Variants in PRKAR2B observed in about 807,000 individuals in gnomAD.
PRKAR2B encodes the protein protein kinase cAMP-dependent type II regulatory subunit beta.
PRKAR2B carries 14 observed loss-of-function variants against 49.9 expected under a neutral mutation model. The observed-to-expected ratio is 0.28, with a 90% confidence interval of 0.19 to 0.44. The LOEUF (loss-of-function observed/expected upper bound fraction) is 0.44, where lower values mean the gene tolerates loss of function less well. Among genes scored for constraint, PRKAR2B ranks in the 20% least tolerant of loss-of-function variants. The pLI, the probability that PRKAR2B is intolerant of heterozygous loss-of-function variation, is 1.00. For missense variants in PRKAR2B, 393 were observed against 537.9 expected, an observed-to-expected ratio of 0.73 and a Z score of 2.67; for synonymous variants, 196 against 197.7, an observed-to-expected ratio of 0.99 and a Z score of 0.07.
intron 3 of PRKAR2B, among the ~76,000 whole-genome samples, chr7:107,123,214 T>C (rs924995822): frequency 2.6e-5 from 4 of 152,236 alleles, no homozygotes; most frequent in Non-Finnish European, 4.4e-5. Flanking sequence ...AATGAACATT[T>C]GCAATACAGT....
chr7:107,073,923 A>T (rs943206040), intron 2 of PRKAR2B, among the ~76,000 whole-genome samples: 1 of 151,898 alleles, frequency 6.6e-6, no homozygotes, highest in South Asian at 2.1e-4. Flanking sequence ...TTAGTCAGGC[A>T]TGGTGGCGCG....
chr7:107,060,477 GC>G (rs1159545700), intron 1 of PRKAR2B, among the ~76,000 whole-genome samples: 1 of 152,140 alleles, frequency 6.6e-6, no homozygotes, highest in Non-Finnish European at 1.5e-5. Flanking sequence ...TCCTCTTATT[GC>G]TAGTGACATT....
chr7:107,084,618 A>G (rs1794580030), intron 2 of PRKAR2B, among the ~76,000 whole-genome samples: 1 of 149,798 alleles, frequency 6.7e-6, no homozygotes, highest in African/African-American at 2.5e-5. Flanking sequence ...ACTACCATCT[A>G]TATACTTTTT....
At chr7:107,139,074 A>G (rs910122621) in intron 4 of PRKAR2B, among the ~76,000 whole-genome samples, 16 of 150,580 alleles carry the variant, frequency 1.1e-4, no homozygotes, top group African/African-American at 2.9e-4. Flanking sequence ...CTAACATCCT[A>G]TTTTTTTTTG....
intron 3 of PRKAR2B, among the ~76,000 whole-genome samples, chr7:107,126,503 G>A (rs1795497769): frequency 6.6e-6 from 1 of 151,102 alleles, no homozygotes; most frequent in Non-Finnish European, 1.5e-5. Context: ...CTGGATTTCT[G>A]TGTGAAGGCT....
chr7:107,148,344 GT>G (rs1193837760), intron 6 of PRKAR2B, among the ~76,000 whole-genome samples: 1 of 152,176 alleles, frequency 6.6e-6, no homozygotes, highest in Non-Finnish European at 1.5e-5. Context: ...AAGATCAACT[GT>G]TTTATAGGTT....
At chr7:107,046,003 G>T (rs2395833) in intron 1 of PRKAR2B, among the ~76,000 whole-genome samples, 49,035 of 152,000 alleles carry the variant, frequency 0.32, 8,210 homozygotes, top group East Asian at 0.46. Context: ...GTTGTCTTTA[G>T]AATGAAAAGC....
chr7:107,055,368 G>T (rs1189511358), intron 1 of PRKAR2B, among the ~76,000 whole-genome samples: 1 of 152,182 alleles, frequency 6.6e-6, no homozygotes, highest in African/African-American at 2.4e-5. Context: ...TCTAGTTCTA[G>T]ATCCCTGAGG....
chr7:107,085,864 A>G (rs781434068), intron 2 of PRKAR2B, among the ~76,000 whole-genome samples: 41 of 152,174 alleles, frequency 2.7e-4, no homozygotes, highest in Non-Finnish European at 5.3e-4. Flanking sequence ...AGGTACAAAT[A>G]CCTGCATAGT....
chr7:107,147,311 C>CA (rs969495041), intron 6 of PRKAR2B, among the ~76,000 whole-genome samples: 3 of 151,718 alleles, frequency 2.0e-5, no homozygotes, highest in African/African-American at 4.8e-5. Context: ...GACTCTGTCT[C>CA]AAAAAAAATC....
At position 107,072,134 on chromosome 7, in the gene PRKAR2B, A is replaced by C. The variant is rs1000355946; in HGVS notation, c.343+1818A>C. Among the ~76,000 whole-genome samples the C allele has an allele frequency of 2.0e-5, 3 of 150,748 alleles. No individual in the cohort carries two copies. The East Asian group carries it at 5.8e-4, about 29-fold the overall frequency. On this transcript the variant is annotated intron_variant, in intron 2 of 10. Coordinates refer to ENST00000265717, the MANE Select transcript of PRKAR2B (RefSeq NM_002736.3). ...ATATATATATATAATTGTAGAGATG[A>C]TGTAATACCACAAAGAAATACACAT...
intron 2 of PRKAR2B, among the ~76,000 whole-genome samples, chr7:107,106,714 G>A (rs150732170): frequency 8.5e-5 from 13 of 152,232 alleles, no homozygotes; most frequent in African/African-American, 3.1e-4. Context: ...GAGGCTAGCT[G>A]TAAAAGCCGG....
At chr7:107,085,074 C>G (rs1794591413) in intron 2 of PRKAR2B, among the ~76,000 whole-genome samples, 1 of 152,018 alleles carries the variant, frequency 6.6e-6, no homozygotes, top group Non-Finnish European at 1.5e-5. Context: ...ATTATGGATC[C>G]TATGAAAAAT....
chr7:107,126,420 C>CAAAAAAAAAAAAAAAAAAAAAAAA (rs35682952), intron 3 of PRKAR2B, among the ~76,000 whole-genome samples: 6 of 38,402 alleles, frequency 1.6e-4, no homozygotes, highest in African/African-American at 2.1e-4. Context: ...GAATCTGTCT[C>CAAAAAAAAAAAAAAAAAAAAAAAA]AAAAAAAAAA....
intron 1 of PRKAR2B, among the ~76,000 whole-genome samples, chr7:107,058,255 T>G (rs1188589953): frequency 2.0e-5 from 3 of 152,140 alleles, no homozygotes; most frequent in Admixed American, 6.5e-5. Context: ...TATTGAAAAT[T>G]GTTACTTTAT....
intron 2 of PRKAR2B, among the ~76,000 whole-genome samples, chr7:107,098,953 A>G (rs1213240380): frequency 3.9e-5 from 6 of 152,116 alleles, no homozygotes; most frequent in Non-Finnish European, 8.8e-5. Context: ...CAGTTAGGCT[A>G]CTCGGGGTTC....
intron 1 of PRKAR2B, among the ~76,000 whole-genome samples, chr7:107,058,888 G>A (rs919737149): frequency 1.3e-5 from 2 of 152,224 alleles, no homozygotes; most frequent in South Asian, 2.1e-4. Context: ...TTGTTGTGAC[G>A]TATTTTCAAT....
chr7:107,149,680 C>T (rs1445945445), intron 6 of PRKAR2B, among the ~76,000 whole-genome samples: 1 of 152,084 alleles, frequency 6.6e-6, no homozygotes, highest in Non-Finnish European at 1.5e-5. Flanking sequence ...CATTCAGTTG[C>T]AGTCCATCAC....
At chr7:107,083,998 A>G (rs1234677523) in intron 2 of PRKAR2B, among the ~76,000 whole-genome samples, 2 of 152,196 alleles carry the variant, frequency 1.3e-5, no homozygotes, top group African/African-American at 4.8e-5. Flanking sequence ...AGATCATGCA[A>G]GTGTTTTTGA....
Sources: allele counts gnomAD v4.1 joint callset (sites outside exome capture counted in the v4.1 genomes callset), GRCh38; gene constraint gnomAD v4.1.1; transcripts MANE v1.5; gene names NCBI Gene and HGNC (gene_info 2026-07-23, HGNC 2026-07-21).